Variants in SEMA6D observed in about 807,000 individuals in gnomAD.
The protein encoded by SEMA6D is semaphorin-6D.
In SEMA6D, 35 loss-of-function variants were observed where a neutral mutation model predicts 106.6. The observed-to-expected ratio is 0.33, with a 90% CI of 0.25 to 0.44. SEMA6D has a LOEUF of 0.44. SEMA6D is among the 20% of genes least tolerant of loss of function. The pLI, the probability that SEMA6D is intolerant of heterozygous loss-of-function variation, is 1.00. For synonymous variants in SEMA6D, 499 were observed against 487.7 expected (o/e 1.02, Z -0.31); for missense variants, 1,185 against 1,345.9 (o/e 0.88, Z 1.87).
intron 3 of SEMA6D, among the ~76,000 whole-genome samples, chr15:47,525,766 G>A (rs2044734123): frequency 6.6e-6 from 1 of 152,172 alleles, no homozygotes; most frequent in Non-Finnish European, 1.5e-5. Context: ...TGCAATTTCA[G>A]CCTCCAGTGA....
chr15:47,372,070 A>G (rs951734340), intron 1 of SEMA6D, among the ~76,000 whole-genome samples: 2 of 152,158 alleles, frequency 1.3e-5, no homozygotes, highest in Non-Finnish European at 2.9e-5. Context: ...GCCTGTAGCA[A>G]TTCTACCTTT....
At chr15:47,274,422 A>G (rs1214047527) in intron 1 of SEMA6D, 1 of 152,176 alleles carries the variant, frequency 6.6e-6, no homozygotes, top group Non-Finnish European at 1.5e-5. Context: ...TATTAACTTA[A>G]AAATAAATTG....
At chr15:47,188,899 A>G (rs1893756386) in intron 1 of SEMA6D, among the ~76,000 whole-genome samples, 2 of 152,160 alleles carry the variant, frequency 1.3e-5, no homozygotes, top group African/African-American at 4.8e-5. Context: ...ATAAACTCCT[A>G]AGGAATTAGC....
chr15:47,699,845 T>C lies in SEMA6D; in HGVS notation c.-54-59900T>C, dbSNP rs144103811. Reference sequence around the variant, plus strand: ...ACAATAATATGAAATAAAACCGCCTTTGCAGATGACATGATCATTTATGCA... The same window carrying C: ...ACAATAATATGAAATAAAACCGCCTCTGCAGATGACATGATCATTTATGCA... On this transcript the variant is annotated intron_variant, in intron 4 of 19. Transcript: ENST00000558014. Among the ~76,000 whole-genome samples the C allele has an allele frequency of 2.0e-3, 311 of 152,336 alleles. 1 individual carries two copies. The highest frequency in any genetic ancestry group is 7.3e-3 in the African/African-American group (303 of 41,574).
At chr15:47,325,655 C>T (rs1489490752) in intron 1 of SEMA6D, among the ~76,000 whole-genome samples, 3 of 152,184 alleles carry the variant, frequency 2.0e-5, no homozygotes, top group African/African-American at 7.2e-5. Context: ...GCCACCAATA[C>T]ATTCCTTATT....
intron 1 of SEMA6D, among the ~76,000 whole-genome samples, chr15:47,207,570 G>T (rs1895157787): frequency 6.6e-6 from 1 of 152,174 alleles, no homozygotes; most frequent in South Asian, 2.1e-4. Flanking sequence ...TCTAAGTAGT[G>T]CTTTGTCCTT....
chr15:47,452,273 A>G lies in SEMA6D; in HGVS notation c.-158-18201A>G, dbSNP rs141635109. Reference sequence around the variant, plus strand: ...TGTCCATTCAGTCTTATAGAAACCTATCATCACTACTTTTTCAGGAATTGA... The same window carrying G: ...TGTCCATTCAGTCTTATAGAAACCTGTCATCACTACTTTTTCAGGAATTGA... On this transcript the variant is annotated intron_variant, in intron 2 of 19. Coordinates refer to the SEMA6D transcript ENST00000558014. Among the ~76,000 whole-genome samples the G allele has an allele frequency of 1.8e-4, 28 of 151,726 alleles. No homozygotes were observed. In the East Asian group the frequency reaches 4.3e-3, roughly 23 times the overall value.
intron 2 of SEMA6D, among the ~76,000 whole-genome samples, chr15:47,423,701 G>A (rs1215006825): frequency 6.6e-6 from 1 of 151,904 alleles, no homozygotes; most frequent in Admixed American, 6.6e-5. Flanking sequence ...CACCACTACA[G>A]TAAACAAGTT....
chr15:47,484,588 G>A (rs960186319), intron 3 of SEMA6D, among the ~76,000 whole-genome samples: 4 of 152,040 alleles, frequency 2.6e-5, no homozygotes, highest in Admixed American at 1.3e-4. Flanking sequence ...AAGTATATAA[G>A]ATATTATTAC....
intron 1 of SEMA6D, among the ~76,000 whole-genome samples, chr15:47,391,945 T>TA (rs1375753269): frequency 6.6e-6 from 1 of 152,114 alleles, no homozygotes; most frequent in Non-Finnish European, 1.5e-5. Flanking sequence ...AAATGCATCT[T>TA]AAAAACACCA....
chr15:47,366,504 A>G (rs1186563195), intron 1 of SEMA6D, among the ~76,000 whole-genome samples: 1 of 152,214 alleles, frequency 6.6e-6, no homozygotes, highest in Non-Finnish European at 1.5e-5. Flanking sequence ...AAAGACAGGA[A>G]AATTACACTG....
At chr15:47,459,744 A>G (rs1038771124) in intron 2 of SEMA6D, among the ~76,000 whole-genome samples, 1 of 152,114 alleles carries the variant, frequency 6.6e-6, no homozygotes, top group Admixed American at 6.5e-5. Context: ...TTAAACCAAT[A>G]TTAAATTCTT....
At chr15:47,318,393 A>G (rs2036777906) in intron 1 of SEMA6D, among the ~76,000 whole-genome samples, 1 of 125,558 alleles carries the variant, frequency 8.0e-6, no homozygotes, top group Non-Finnish European at 1.7e-5. Context: ...CATTAGGTAT[A>G]TCTCCCAGTG....
Position 47,424,764 on chromosome 15 carries a change from C to G in SEMA6D, c.-159+12292C>G, listed in dbSNP as rs75923360. ...TTCCACTTCTGAAGGTTCAAGTCTT[C>G]TGAGATAAACTGACAATAGATTAAC... On this transcript the variant is annotated intron_variant, in intron 2 of 19. Coordinates refer to the SEMA6D transcript ENST00000558014. Among the ~76,000 whole-genome samples the G allele has an allele frequency of 5.2e-3, 789 of 152,164 alleles. 4 individuals are homozygous for G. Among genetic ancestry groups the G allele is most frequent in the Non-Finnish European group, 6.7e-3 (458 of 67,998 alleles).
At chr15:47,318,855 A>G (rs547750704) in intron 1 of SEMA6D, among the ~76,000 whole-genome samples, 57 of 150,294 alleles carry the variant, frequency 3.8e-4, no homozygotes, top group Admixed American at 3.5e-3. Flanking sequence ...TGACTTCCAC[A>G]ATGGTTGAAC....
At chr15:47,329,329 C>G (rs1282902332) in intron 1 of SEMA6D, among the ~76,000 whole-genome samples, 1 of 152,146 alleles carries the variant, frequency 6.6e-6, no homozygotes, top group Non-Finnish European at 1.5e-5. Context: ...TTAACCTGTT[C>G]ACTAATAAGC....
intron 4 of SEMA6D, among the ~76,000 whole-genome samples, chr15:47,643,269 C>T (rs181806004): frequency 2.4e-4 from 37 of 152,320 alleles, no homozygotes; most frequent in Admixed American, 1.8e-3. Context: ...TTCCCCACTA[C>T]GTAAAGTGTC....
chr15:47,771,458 C>A lies in SEMA6D; in HGVS notation c.2895C>A (p.His965Gln), dbSNP rs750228006. The change falls in exon 19 of 19, where the codon CAC becomes CAA. Residue 965 changes from histidine to glutamine, a missense_variant. By Grantham distance (24) the His-to-Gln change is conservative (BLOSUM62 0). This residue lies in a region of SEMA6D where 750 missense variants were observed against 783.5 expected (regional missense o/e 0.96). Transcript: ENST00000536845. Reference protein sequence around the residue: ...MTSLERQRGYHKNSSQRHSIS... With the variant: ...MTSLERQRGYQKNSSQRHSIS... The stretch of plus-strand genomic sequence containing the variant: ...CTCTGGAAAGACAAAGAGGTTATCA[C>A]AAAAATTCCTCCCAGAGGCACTCTA... The A allele has an allele frequency of 3.1e-6, 5 of 1,614,098 alleles. No individual in the cohort carries two copies. Among genetic ancestry groups the A allele is most frequent in the Non-Finnish European group, 4.2e-6 (5 of 1,179,994 alleles).
intron 1 of SEMA6D, among the ~76,000 whole-genome samples, chr15:47,718,186 G>GAGCCA (rs1485714478): frequency 6.6e-6 from 1 of 152,210 alleles, no homozygotes; most frequent in East Asian, 1.9e-4. Flanking sequence ...GGGGAGAGCT[G>GAGCCA]AGCCAAGGCC....
Sources: allele counts gnomAD v4.1 joint callset (sites outside exome capture counted in the v4.1 genomes callset), GRCh38; gene constraint gnomAD v4.1.1; regional missense constraint gnomAD v4.1.1; transcripts MANE v1.5; gene names NCBI Gene and HGNC (gene_info 2026-07-23, HGNC 2026-07-21).